DPP6: variants seen among roughly 807,000 people sequenced by gnomAD.
DPP6 encodes the protein dipeptidyl peptidase like 6.
In DPP6, 69 loss-of-function variants were observed where a neutral mutation model predicts 122.6. That is an observed-to-expected ratio of 0.56 (90% confidence interval 0.46 to 0.69). The LOEUF (loss-of-function observed/expected upper bound fraction) is 0.69, where lower values mean the gene tolerates loss of function less well. DPP6 is among the 30% of genes least tolerant of loss of function. DPP6 has a pLI of 0.00. For synonymous variants in DPP6, 418 were observed against 433.1 expected (o/e 0.97, Z 0.43); for missense variants, 928 against 1,116.9 (o/e 0.83, Z 2.41).
At chr7:154,882,798 G>A (rs1259052813) in intron 21 of DPP6, among the ~76,000 whole-genome samples, 1 of 152,188 alleles carries the variant, frequency 6.6e-6, no homozygotes, top group East Asian at 1.9e-4. Flanking sequence ...GGAGTTCACT[G>A]ACAATAAATA....
At chr7:154,491,965 A>G (rs1038242250) in intron 3 of DPP6, among the ~76,000 whole-genome samples, 1 of 152,172 alleles carries the variant, frequency 6.6e-6, no homozygotes, top group Non-Finnish European at 1.5e-5. Flanking sequence ...CCATAATGTT[A>G]CCAAAAAAGA....
chr7:154,050,637 T>C (rs1006059273), upstream of DPP6, among the ~76,000 whole-genome samples: 35 of 150,962 alleles, frequency 2.3e-4, no homozygotes, highest in African/African-American at 8.3e-4. Context: ...GTGGTGACTT[T>C]TAAAGTTTAG....
chr7:154,166,927 A>G (rs1797281747), intron 1 of DPP6, among the ~76,000 whole-genome samples: 2 of 146,218 alleles, frequency 1.4e-5, no homozygotes, highest in African/African-American at 5.4e-5. Context: ...ATAAAAAGGC[A>G]GAGGTTGCAG....
chr7:154,753,156 G>C (rs992719375), intron 8 of DPP6, among the ~76,000 whole-genome samples: 1 of 152,138 alleles, frequency 6.6e-6, no homozygotes, highest in Admixed American at 6.5e-5. Context: ...CTACAAAGTT[G>C]ACATTGTCTC....
rs565151361 is a variant in DPP6, at chr7:153,887,337, G to T, written c.-347G>T. The stretch of plus-strand genomic sequence containing the variant: ...GCCGAGCTCGGTGGACACGCGCGCA[G>T]TCAGAGCTGCCTCTCGCCCTCGCTA... On this transcript the variant is annotated 5_prime_UTR_variant, in exon 1 of 26. Transcript: ENST00000404039. The T allele has an allele frequency of 2.2e-4, 42 of 194,182 alleles. No individual in the cohort carries two copies. In the South Asian group the frequency reaches 2.7e-3, roughly 13 times the overall value. The allele number at this position is 194,182 out of a possible 1,614,324, so 12.0% of individuals were successfully genotyped here.
chr7:154,783,326 C>T (rs565567297), intron 10 of DPP6, among the ~76,000 whole-genome samples: 45 of 152,278 alleles, frequency 3.0e-4, no homozygotes, highest in Non-Finnish European at 4.9e-4. Context: ...CGGGCAGGGT[C>T]TTCTCTCGTC....
At chr7:153,932,147 A>G (rs1443892445) in intron 1 of DPP6, among the ~76,000 whole-genome samples, 3 of 141,950 alleles carry the variant, frequency 2.1e-5, no homozygotes, top group African/African-American at 7.9e-5. Flanking sequence ...TTTTAACAGA[A>G]TCTCATTCTG....
At chr7:154,263,332 T>C (rs898177117) in intron 1 of DPP6, among the ~76,000 whole-genome samples, 18 of 152,338 alleles carry the variant, frequency 1.2e-4, no homozygotes, top group African/African-American at 4.1e-4. Context: ...TCTTCACTTT[T>C]AAGATCAAGA....
chr7:154,508,008 G>A (rs1825789194), intron 3 of DPP6, among the ~76,000 whole-genome samples: 1 of 152,266 alleles, frequency 6.6e-6, no homozygotes, highest in Admixed American at 6.5e-5. Flanking sequence ...TTAGAAATTT[G>A]AGAAAAGATG....
intron 1 of DPP6, among the ~76,000 whole-genome samples, chr7:154,127,648 C>G (rs1181228606): frequency 1.3e-3 from 72 of 54,896 alleles, no homozygotes; most frequent in South Asian, 9.7e-3. Flanking sequence ...CACACACACA[C>G]ACAGACACAC....
chr7:153,846,971 G>A, the DPP6 span, among the ~76,000 whole-genome samples: 7 of 152,232 alleles, frequency 4.6e-5, no homozygotes, highest in Middle Eastern at 3.4e-3. Flanking sequence ...ACAGGCATGA[G>A]CCACCGTGCC....
At chr7:154,541,273 G>A (rs1370436200) in intron 4 of DPP6, among the ~76,000 whole-genome samples, 1 of 152,208 alleles carries the variant, frequency 6.6e-6, no homozygotes, top group Admixed American at 6.5e-5. Flanking sequence ...TGGGACTACA[G>A]GCGTGTGCCG....
chr7:154,203,699 A>G (rs921916863), intron 1 of DPP6, among the ~76,000 whole-genome samples: 4 of 152,212 alleles, frequency 2.6e-5, no homozygotes, highest in Non-Finnish European at 4.4e-5. Context: ...TGAAGAAATA[A>G]TAAGACACCT....
intron 1 of DPP6, among the ~76,000 whole-genome samples, chr7:153,978,224 T>G (rs1796408738): frequency 6.6e-6 from 1 of 152,256 alleles, no homozygotes; most frequent in Admixed American, 6.5e-5. Flanking sequence ...TGTTGTTTCC[T>G]GACTTTTTAA....
intron 3 of DPP6, among the ~76,000 whole-genome samples, chr7:154,540,162 C>T (rs1828602334): frequency 6.6e-6 from 1 of 152,212 alleles, no homozygotes; most frequent in Non-Finnish European, 1.5e-5. Flanking sequence ...AAGCATTCTG[C>T]ATACAGATTT....
intron 1 of DPP6, among the ~76,000 whole-genome samples, chr7:154,338,213 T>C (rs911676184): frequency 6.6e-6 from 1 of 152,184 alleles, no homozygotes; most frequent in Non-Finnish European, 1.5e-5. Context: ...TCACTCCAAA[T>C]TGGACTCTCC....
At chr7:154,819,275 C>T (rs146325214) in intron 16 of DPP6, among the ~76,000 whole-genome samples, 1,580 of 152,204 alleles carry the variant, frequency 0.01, 11 homozygotes, top group Middle Eastern at 0.034. Flanking sequence ...ATTAGCTGGA[C>T]GTGATGGCAC....
chr7:154,429,684 G>A (rs752370373), intron 1 of DPP6, among the ~76,000 whole-genome samples: 10 of 152,268 alleles, frequency 6.6e-5, no homozygotes, highest in African/African-American at 1.7e-4. Flanking sequence ...ACAGGTGCCC[G>A]CCTCGGAATG....
intron 1 of DPP6, among the ~76,000 whole-genome samples, chr7:153,996,004 G>T (rs117754765): frequency 6.6e-6 from 1 of 152,176 alleles, no homozygotes; most frequent in Non-Finnish European, 1.5e-5. Context: ...TTCCGCAGGG[G>T]CTAGGATTGT....
Sources: allele counts gnomAD v4.1 joint callset (sites outside exome capture counted in the v4.1 genomes callset), GRCh38; gene constraint gnomAD v4.1.1; transcripts MANE v1.5; gene names NCBI Gene and HGNC (gene_info 2026-07-23, HGNC 2026-07-21).